Variants in SMARCA4 observed in about 807,000 individuals in gnomAD.
SMARCA4 encodes the protein SWI/SNF-related matrix-associated actin-dependent regulator of chromatin subfamily A member 4.
A neutral mutation model predicts 193.9 loss-of-function variants in SMARCA4; 31 were observed. The observed-to-expected ratio is 0.16, with a 90% CI of 0.12 to 0.22. The LOEUF (loss-of-function observed/expected upper bound fraction) is 0.22. Among genes scored for constraint, SMARCA4 ranks in the 10% least tolerant of loss-of-function variants. The probability of loss-of-function intolerance (pLI) is 1.00; values close to 1 mark genes in which losing one functional copy is unlikely to be tolerated. For missense variants in SMARCA4, 1,148 were observed against 2,296.0 expected (o/e 0.50, Z 10.22); for synonymous variants, 942 against 933.1 (o/e 1.01, Z -0.17).
At chr19:10,989,658 C>T (rs187412715) in intron 7 of SMARCA4, among the ~76,000 whole-genome samples, 56 of 152,066 alleles carry the variant, frequency 3.7e-4, no homozygotes, top group Admixed American at 2.8e-3. Flanking sequence ...AAGCACTTGC[C>T]GCCTCAAAGC....
chr19:11,029,839 A>G (rs1034251759), intron 24 of SMARCA4, among the ~76,000 whole-genome samples: 2 of 151,844 alleles, frequency 1.3e-5, no homozygotes, highest in African/African-American at 4.8e-5. Context: ...ACGCCCAGCT[A>G]ATTTTCTTGT....
At chr19:11,027,128 C>A (rs1240512902) in intron 23 of SMARCA4, among the ~76,000 whole-genome samples, 1 of 152,178 alleles carries the variant, frequency 6.6e-6, no homozygotes, top group East Asian at 1.9e-4. Context: ...CATTCAATTC[C>A]CCTGGGGTAG....
chr19:11,019,397 C>A lies in SMARCA4; in HGVS notation c.2506-194C>A. On this transcript the variant is annotated intron_variant, in intron 17 of 34. Transcript: ENST00000344626. The surrounding 1 kb of genome is among the most constrained non-coding windows in gnomAD (Gnocchi z 6.1). ...CGCTGGCCTGCACTGCTTCCTCTTC[C>A]CCCTGCAGCGCGTGTTCTGCGTGGT... 2 of 623,394 alleles carry A rather than the reference C, an allele frequency of 3.2e-6. No homozygotes were observed. The highest frequency in any genetic ancestry group is 2.9e-6 in the Non-Finnish European group (1 of 346,394). 38.6% of individuals were successfully genotyped at this position (623,394 alleles called of 1,614,324 possible).
rs182329193 is a variant in SMARCA4 at position 10,989,410 on chromosome 19, C to T, written c.1212C>T (p.Leu404=). 6.2e-7 allele frequency: 1 copy of T among 1,614,172 alleles called. No homozygotes were observed. The highest frequency in any genetic ancestry group is 8.5e-7 in the Non-Finnish European group (1 of 1,180,016). Residue 404 remains leucine, a synonymous_variant, in exon 7 of 35, where the codon CTC becomes CTT. Coordinates refer to ENST00000344626, the MANE Select transcript of SMARCA4 (RefSeq NM_003072.5). ...GDLRTKATIE[L]KALRLLNFQR... is the part of the protein sequence containing the mutation. Reference sequence around the variant, plus strand: ...TGCGAACCAAAGCGACCATTGAGCTCAAGGCCCTCAGGCTGCTGAACTTCC... The same window carrying T: ...TGCGAACCAAAGCGACCATTGAGCTTAAGGCCCTCAGGCTGCTGAACTTCC...
intron 13 of SMARCA4, among the ~76,000 whole-genome samples, chr19:11,006,179 CTG>C (rs1314674772): frequency 1.3e-5 from 2 of 152,164 alleles, no homozygotes; most frequent in Non-Finnish European, 2.9e-5. Flanking sequence ...GAACAATCAA[CTG>C]TGTTGTATTT....
intron 32 of SMARCA4, among the ~76,000 whole-genome samples, chr19:11,059,486 G>A (rs538731990): frequency 8.5e-5 from 13 of 152,370 alleles, no homozygotes; most frequent in African/African-American, 2.9e-4. Flanking sequence ...GAAGGAGGGA[G>A]GCACCTGCAG....
At chr19:11,055,997 C>T (rs537268089) in intron 30 of SMARCA4, among the ~76,000 whole-genome samples, 7 of 152,354 alleles carry the variant, frequency 4.6e-5, no homozygotes, top group African/African-American at 1.7e-4. Context: ...CGTCCTGCTT[C>T]ACAGTGTAAA....
chr19:10,989,558 G>T, intron 7 of SMARCA4, 115 bp downstream of exon 7: 1 of 1,223,490 alleles, frequency 8.2e-7, no homozygotes, highest in Non-Finnish European at 1.2e-6. Flanking sequence ...GCTGTGAAAA[G>T]CAGCCGTGGC....
chr19:11,030,960 GC>G lies in SMARCA4; in HGVS notation c.3546+70del, dbSNP rs765357960. On this transcript the variant is annotated intron_variant, in intron 25 of 34. Coordinates refer to ENST00000344626, the MANE Select transcript of SMARCA4 (RefSeq NM_003072.5). The surrounding 1 kb of genome is among the most constrained non-coding windows in gnomAD (Gnocchi z 5.5). ...GTGCCTGCAAAACCTCGAGGAGACG[GC>G]CCTGGCTTGAGGGTCCTCCAGCCTC... 6.7e-7 allele frequency: 1 copy of G among 1,484,608 alleles called. No individual in the cohort carries two copies. 92.0% of individuals were successfully genotyped at this position (1,484,608 alleles called of 1,614,324 possible). A position where few individuals can be genotyped will look rare whatever the true frequency, so the allele number is the denominator to read the frequency against.
chr19:10,996,894 A>G (rs1210140272), intron 11 of SMARCA4, among the ~76,000 whole-genome samples: 1 of 152,178 alleles, frequency 6.6e-6, no homozygotes, highest in African/African-American at 2.4e-5. Flanking sequence ...TCTTTGAGAC[A>G]GGGTCTCTCT....
chr19:11,046,091 C>T (rs547584582), intron 30 of SMARCA4, among the ~76,000 whole-genome samples: 6 of 152,054 alleles, frequency 3.9e-5, no homozygotes, highest in East Asian at 1.9e-4. Flanking sequence ...GGCGTGGTGG[C>T]GGGCGCCTGT....
At chr19:10,980,370 C>CT (rs1176422179) in intron 1 of SMARCA4, among the ~76,000 whole-genome samples, 1 of 152,140 alleles carries the variant, frequency 6.6e-6, no homozygotes, top group Non-Finnish European at 1.5e-5. Flanking sequence ...TCAGTGTACT[C>CT]TGTTTTTCCG....
Position 11,061,859 on chromosome 19 carries a change from G to A in SMARCA4, c.*43G>A. On this transcript the variant is annotated 3_prime_UTR_variant, in exon 35 of 35. Coordinates refer to ENST00000344626, the MANE Select transcript of SMARCA4 (RefSeq NM_003072.5). The stretch of plus-strand genomic sequence containing the variant: ...TCGACCCCGAGCCCCTCGTTCCAGA[G>A]CTGAGATGGCATAGGCCTTAGCAGT... 1 of 1,591,676 alleles carries A rather than the reference G, an allele frequency of 6.3e-7. No individual in the cohort carries two copies. The highest frequency in any genetic ancestry group is 1.3e-5 in the African/African-American group (1 of 74,596).
At position 11,038,277 on chromosome 19, in the gene SMARCA4, T is replaced by C. The variant is rs556096620; in HGVS notation, c.4171-3030T>C. 2.0e-5 allele frequency among the ~76,000 whole-genome samples: 3 copies of C among 152,326 alleles called. No individual in the cohort carries two copies. The South Asian group carries it at 6.2e-4, about 32-fold the overall frequency. On this transcript the variant is annotated intron_variant, in intron 29 of 34. Transcript: ENST00000344626. ...CTGCCTCTGTCTTCATGGGGACTTC[T>C]CCTCTGTGTCCCCTTCTGTGTCTTT...
At chr19:10,999,374 T>G (rs1380965705) in intron 11 of SMARCA4, among the ~76,000 whole-genome samples, 1 of 151,892 alleles carries the variant, frequency 6.6e-6, no homozygotes, top group Non-Finnish European at 1.5e-5. Context: ...TTAAAACTTG[T>G]GGCTGGGCAT....
intron 19 of SMARCA4, 150 bp from the exon 20 acceptor site, chr19:11,023,368 G>A (rs1232316184): frequency 8.9e-6 from 6 of 676,162 alleles, no homozygotes; most frequent in Non-Finnish European, 1.1e-5. Context: ...CTCCCAGAAA[G>A]CATAAAGCAG....
At chr19:10,975,886 C>T (rs924641764) in intron 1 of SMARCA4, among the ~76,000 whole-genome samples, 2 of 152,298 alleles carry the variant, frequency 1.3e-5, no homozygotes, top group South Asian at 2.1e-4. Flanking sequence ...GTGGAGGCCC[C>T]GGCAGCACCC....
intron 11 of SMARCA4, 140 bp downstream of exon 11, chr19:10,996,684 G>A (rs1039682535): frequency 1.7e-5 from 14 of 833,698 alleles, no homozygotes; most frequent in African/African-American, 5.0e-5. Context: ...GTCCTCTGAC[G>A]CCCATCCCAC....
intron 23 of SMARCA4, 146 bp from the exon 24 acceptor site, chr19:11,027,638 T>C (rs977585673): frequency 2.4e-6 from 2 of 831,988 alleles, no homozygotes; most frequent in African/African-American, 1.7e-5. Flanking sequence ...AAGCTTTGGG[T>C]GGGTGACGTC....
Sources: allele counts gnomAD v4.1 joint callset (sites outside exome capture counted in the v4.1 genomes callset), GRCh38; gene constraint gnomAD v4.1.1; non-coding constraint Gnocchi (gnomAD v3.1); transcripts MANE v1.5; gene names NCBI Gene and HGNC (gene_info 2026-07-23, HGNC 2026-07-21).